KCNIP4: variants seen among roughly 807,000 people sequenced by gnomAD.
KCNIP4 encodes the protein Kv channel-interacting protein 4.
A neutral mutation model predicts 34.0 loss-of-function variants in KCNIP4; 12 were observed. The ratio of observed to expected loss-of-function variants is 0.35; its 90% confidence interval spans 0.23 to 0.57. KCNIP4 has a LOEUF of 0.57. Ranked by LOEUF, KCNIP4 falls within the 20% of genes least tolerant of loss-of-function variation. The pLI, the probability that KCNIP4 is intolerant of heterozygous loss-of-function variation, is 0.83. For missense variants in KCNIP4, 238 were observed against 311.7 expected, an observed-to-expected ratio of 0.76 and a Z score of 1.78; for synonymous variants, 124 against 102.2, an observed-to-expected ratio of 1.21 and a Z score of -1.29.
intron 1 of KCNIP4, among the ~76,000 whole-genome samples, chr4:21,040,081 C>T (rs1222622710): frequency 6.6e-6 from 1 of 152,130 alleles, no homozygotes; most frequent in African/African-American, 2.4e-5. Flanking sequence ...TGAGAACTCA[C>T]TCACCATCTC....
At chr4:20,867,120 C>T (rs962825848) in intron 2 of KCNIP4, among the ~76,000 whole-genome samples, 2 of 151,992 alleles carry the variant, frequency 1.3e-5, no homozygotes, top group African/African-American at 2.4e-5. Context: ...TCTAGTCAAA[C>T]TACTAAGAAC....
At chr4:21,881,998 G>T (rs1164875719) in intron 1 of KCNIP4, among the ~76,000 whole-genome samples, 1 of 152,138 alleles carries the variant, frequency 6.6e-6, no homozygotes, top group Non-Finnish European at 1.5e-5. Context: ...AACTGGGAAG[G>T]ATCAAGGCTG....
At chr4:21,729,856 T>C (rs935107627) in intron 1 of KCNIP4, 1 of 152,192 alleles carries the variant, frequency 6.6e-6, no homozygotes, top group African/African-American at 2.4e-5. Context: ...AAACTTGTCT[T>C]GTTTGGAAAG....
At chr4:20,922,208 G>A (rs1030443499) in intron 1 of KCNIP4, among the ~76,000 whole-genome samples, 2 of 152,078 alleles carry the variant, frequency 1.3e-5, no homozygotes, top group Non-Finnish European at 1.5e-5. Context: ...GTTCCTTCTG[G>A]GTATATCTGT....
At chr4:20,743,851 A>G (rs1020784461) in intron 5 of KCNIP4, among the ~76,000 whole-genome samples, 1 of 152,154 alleles carries the variant, frequency 6.6e-6, no homozygotes, top group African/African-American at 2.4e-5. Flanking sequence ...AAATGGGAGA[A>G]AATTTTCGCA....
chr4:21,506,267 G>C (rs1368885456), intron 1 of KCNIP4, among the ~76,000 whole-genome samples: 1 of 152,162 alleles, frequency 6.6e-6, no homozygotes, highest in African/African-American at 2.4e-5. Context: ...GTTGAAGCCA[G>C]ACTGTGTGCA....
At chr4:20,887,828 G>A (rs953280167) in intron 1 of KCNIP4, among the ~76,000 whole-genome samples, 1 of 152,128 alleles carries the variant, frequency 6.6e-6, no homozygotes, top group African/African-American at 2.4e-5. Flanking sequence ...TTGAAAATAT[G>A]TGAATAAATA....
In KCNIP4 at chr4:21,875,628, G is replaced by A. The variant is rs75223781; in HGVS notation, c.61+72943C>T. ...TTGTTATAGAAGCCTTCTTGTCACC[G>A]GAAATCAATGCCTGTGTTCAGCACT... On this transcript the variant is annotated intron_variant, in intron 1 of 8. Coordinates refer to ENST00000382152, the MANE Select transcript of KCNIP4 (RefSeq NM_025221.6). Among the ~76,000 whole-genome samples, 57 of 152,138 alleles carry A rather than the reference G, an allele frequency of 3.7e-4. 1 individual carries two copies. The East Asian group carries it at 8.9e-3, about 24-fold the overall frequency.
At chr4:21,516,039 A>C (rs1734729888) in intron 1 of KCNIP4, among the ~76,000 whole-genome samples, 1 of 152,210 alleles carries the variant, frequency 6.6e-6, no homozygotes, top group South Asian at 2.1e-4. Flanking sequence ...GTAGTAGCTC[A>C]ATTGATTATT....
chr4:21,820,285 G>GTATATATATATA (rs869204752), intron 1 of KCNIP4, among the ~76,000 whole-genome samples: 4 of 20,654 alleles, frequency 1.9e-4, no homozygotes, highest in Admixed American at 7.4e-4. Flanking sequence ...GTGTGTGTGT[G>GTATATATATATA]TATATATATA....
chr4:21,470,665 A>C (rs981745157), intron 1 of KCNIP4, among the ~76,000 whole-genome samples: 3 of 152,130 alleles, frequency 2.0e-5, no homozygotes, highest in Non-Finnish European at 4.4e-5. Context: ...GAAAAAATAA[A>C]GAGAGGCACA....
intron 3 of KCNIP4, among the ~76,000 whole-genome samples, chr4:20,827,022 C>T (rs1717847378): frequency 6.6e-6 from 1 of 152,126 alleles, no homozygotes; most frequent in African/African-American, 2.4e-5. Flanking sequence ...GGATTTGTTT[C>T]CCCTTCTCTT....
intron 5 of KCNIP4, among the ~76,000 whole-genome samples, chr4:20,744,510 C>G (rs952767274): frequency 6.6e-6 from 1 of 151,908 alleles, no homozygotes; most frequent in Non-Finnish European, 1.5e-5. Context: ...AGCAAACTAT[C>G]GCAAGGACAG....
intron 4 of KCNIP4, among the ~76,000 whole-genome samples, chr4:20,756,506 G>A (rs553491973): frequency 6.6e-6 from 1 of 152,176 alleles, no homozygotes; most frequent in South Asian, 2.1e-4. Context: ...GTCTTCCACT[G>A]GTATCTACCC....
chr4:21,076,212 C>T (rs1460917855), intron 1 of KCNIP4, among the ~76,000 whole-genome samples: 1 of 152,104 alleles, frequency 6.6e-6, no homozygotes, highest in Non-Finnish European at 1.5e-5. Context: ...AAGTTCTCTC[C>T]TGGATAATAT....
At chr4:20,936,213 A>C (rs1731041568) in intron 1 of KCNIP4, among the ~76,000 whole-genome samples, 1 of 152,280 alleles carries the variant, frequency 6.6e-6, no homozygotes, top group South Asian at 2.1e-4. Context: ...GGTGAAAGCA[A>C]AGGGGCTGTC....
At chr4:20,780,535 T>C (rs1756781646) in intron 3 of KCNIP4, among the ~76,000 whole-genome samples, 1 of 152,164 alleles carries the variant, frequency 6.6e-6, no homozygotes, top group African/African-American at 2.4e-5. Flanking sequence ...CTCAGCTCTG[T>C]TAGACAATTT....
intron 1 of KCNIP4, among the ~76,000 whole-genome samples, chr4:21,129,925 G>A (rs924085601): frequency 2.0e-5 from 3 of 151,294 alleles, no homozygotes; most frequent in Non-Finnish European, 4.4e-5. Context: ...ATGATGTTTT[G>A]TATATCACTG....
At chr4:21,516,688 C>T (rs548098235) in intron 1 of KCNIP4, among the ~76,000 whole-genome samples, 10 of 152,060 alleles carry the variant, frequency 6.6e-5, no homozygotes, top group South Asian at 4.2e-4. Context: ...GAAGAGTTTT[C>T]GAACATGAAG....
Sources: allele counts gnomAD v4.1 joint callset (sites outside exome capture counted in the v4.1 genomes callset), GRCh38; gene constraint gnomAD v4.1.1; transcripts MANE v1.5; gene names NCBI Gene and HGNC (gene_info 2026-07-23, HGNC 2026-07-21).